The following PIK3CB variants were observed in gnomAD, a reference collection of about 807,000 sequenced individuals.
PIK3CB encodes phosphatidylinositol 4,5-bisphosphate 3-kinase catalytic subunit beta isoform.
A neutral mutation model predicts 136.8 loss-of-function variants in PIK3CB; 39 were observed. The observed-to-expected ratio is 0.29, with a 90% CI of 0.22 to 0.37. The LOEUF (loss-of-function observed/expected upper bound fraction) is 0.37. Ranked by LOEUF, PIK3CB falls within the 10% of genes least tolerant of loss-of-function variation. The pLI is 1.00. For synonymous variants in PIK3CB, 428 were observed against 436.6 expected, an observed-to-expected ratio of 0.98 and a Z score of 0.25; for missense variants, 868 against 1,275.4, an observed-to-expected ratio of 0.68 and a Z score of 4.87.
chr3:138,711,409 G>A (rs1270459915), intron 10 of PIK3CB, among the ~76,000 whole-genome samples: 1 of 151,552 alleles, frequency 6.6e-6, no homozygotes, highest in Admixed American at 6.6e-5. Flanking sequence ...GAGAAACCCT[G>A]TCTCTACTAA....
chr3:138,739,934 A>C (rs1382266840), intron 5 of PIK3CB, among the ~76,000 whole-genome samples: 9 of 151,928 alleles, frequency 5.9e-5, no homozygotes, highest in African/African-American at 2.2e-4. Context: ...AAGAGACCCC[A>C]GAGAGCTTCC....
chr3:138,744,959 A>G (rs2045323445), intron 4 of PIK3CB, among the ~76,000 whole-genome samples: 1 of 152,222 alleles, frequency 6.6e-6, no homozygotes, highest in Admixed American at 6.5e-5. Context: ...TTTATGCCAT[A>G]CCACAATCTA....
At position 138,703,610 on chromosome 3, in the gene PIK3CB, G is replaced by GTAGATA. The variant is rs1009055468; in HGVS notation, c.1581+827_1581+832dup. Among the ~76,000 whole-genome samples, 49 of 151,788 alleles carry GTAGATA rather than the reference G, an allele frequency of 3.2e-4. No individual in the cohort carries two copies. In the Middle Eastern group the frequency reaches 0.01, roughly 32 times the overall value. ...TAGATATAGATATAGATATATAAATGTAGATATAGATATAGATATATAGAT... is the reference window on the plus strand; with the variant it reads ...TAGATATAGATATAGATATATAAATGTAGATATAGATATAGATATAGATATATAGAT... On this transcript the variant is annotated intron_variant, in intron 12 of 23. Coordinates refer to ENST00000674063, the MANE Select transcript of PIK3CB (RefSeq NM_006219.3).
intron 19 of PIK3CB, among the ~76,000 whole-genome samples, chr3:138,680,752 G>A (rs944209344): frequency 6.6e-6 from 1 of 151,568 alleles, no homozygotes; most frequent in Admixed American, 6.6e-5. Context: ...GCAGTGGCAT[G>A]ATCTCGCTCA....
intron 2 of PIK3CB, chr3:138,778,308 T>C (rs2045883822): frequency 2.8e-6 from 1 of 362,556 alleles, no homozygotes; most frequent in Admixed American, 3.4e-5. Context: ...CTGGCCAAGA[T>C]CACCCATGAC....
intron 1 of PIK3CB, among the ~76,000 whole-genome samples, chr3:138,820,733 A>G (rs1380605482): frequency 1.3e-5 from 2 of 152,096 alleles, no homozygotes; most frequent in African/African-American, 4.8e-5. Flanking sequence ...ACTTCAGATG[A>G]TCCACCCACC....
intron 19 of PIK3CB, among the ~76,000 whole-genome samples, chr3:138,669,050 AC>A (rs1372970614): frequency 1.3e-5 from 2 of 152,112 alleles, no homozygotes. Context: ...CATTATTTCC[AC>A]CTTCTTCCTC....
chr3:138,766,562 C>T (rs192159152), intron 2 of PIK3CB, among the ~76,000 whole-genome samples: 1 of 152,124 alleles, frequency 6.6e-6, no homozygotes, highest in East Asian at 1.9e-4. Context: ...AAAATCCTTC[C>T]TCACTTACAA....
At chr3:138,734,592 C>A (rs2108643731) in intron 7 of PIK3CB, 42 bp downstream of exon 7, 1 of 1,434,048 alleles carries the variant, frequency 7.0e-7, no homozygotes, top group Non-Finnish European at 9.6e-7. Flanking sequence ...AACACAATCA[C>A]ATGGCTTTTG....
chr3:138,819,430 C>A (rs1361805879), intron 1 of PIK3CB, among the ~76,000 whole-genome samples: 1 of 151,824 alleles, frequency 6.6e-6, no homozygotes, highest in Non-Finnish European at 1.5e-5. Context: ...TGGTAAAGTT[C>A]TGAACAAACT....
At position 138,654,697 on chromosome 3, in the gene PIK3CB, A is replaced by G. The variant is rs1577031098; in HGVS notation, c.*692T>C. 4.5e-6 allele frequency: 1 copy of G among 221,096 alleles called. No individual in the cohort carries two copies. The highest frequency in any genetic ancestry group is 6.6e-5 in the East Asian group (1 of 15,076). The allele number at this position is 221,096 out of a possible 1,614,324, so 13.7% of individuals were successfully genotyped here. On this transcript the variant is annotated 3_prime_UTR_variant, in exon 24 of 24. Coordinates refer to ENST00000674063, the MANE Select transcript of PIK3CB (RefSeq NM_006219.3). ...AACTTTAAATCACAGGCTGAAGAATACCAAAGAAACATTTATATAGAACTC... is the reference window on the plus strand; with the variant it reads ...AACTTTAAATCACAGGCTGAAGAATGCCAAAGAAACATTTATATAGAACTC...
chr3:138,676,929 G>A (rs2043658268), intron 19 of PIK3CB, among the ~76,000 whole-genome samples: 1 of 152,062 alleles, frequency 6.6e-6, no homozygotes, highest in Non-Finnish European at 1.5e-5. Flanking sequence ...AGTGATGGTT[G>A]CACAACTCAG....
intron 1 of PIK3CB, among the ~76,000 whole-genome samples, chr3:138,807,981 G>GT (rs1427527180): frequency 2.6e-5 from 4 of 151,526 alleles, no homozygotes; most frequent in African/African-American, 7.3e-5. Context: ...AAACTCGAGG[G>GT]TTTTTTTTAA....
intron 10 of PIK3CB, among the ~76,000 whole-genome samples, chr3:138,708,293 T>C (rs181729): frequency 0.53 from 75,851 of 142,758 alleles, 21,419 homozygotes; most frequent in East Asian, 0.98. Flanking sequence ...GAGACAGGGT[T>C]TCTGTCACCC....
intron 1 of PIK3CB, among the ~76,000 whole-genome samples, chr3:138,802,329 G>A (rs529925382): frequency 2.7e-5 from 4 of 150,584 alleles, no homozygotes; most frequent in South Asian, 2.1e-4. Context: ...GCAGTGAGCC[G>A]AGATCGCGCC....
At chr3:138,685,420 A>AAAAGAAAGAAAGAAAG (rs1553722272) in intron 16 of PIK3CB, among the ~76,000 whole-genome samples, 1 of 86,926 alleles carries the variant, frequency 1.2e-5, no homozygotes, top group African/African-American at 3.4e-5. Flanking sequence ...AAAAAAAAAA[A>AAAAGAAAGAAAGAAAG]AAAGAAAGAA....
At chr3:138,683,877 C>G (rs2043830684) in intron 17 of PIK3CB, 90 bp from the exon 18 acceptor site, 1 of 733,346 alleles carries the variant, frequency 1.4e-6, no homozygotes. Context: ...TGGGAAAACT[C>G]CTCACCTATT....
intron 19 of PIK3CB, among the ~76,000 whole-genome samples, chr3:138,678,626 T>TAC (rs539058728): frequency 6.6e-6 from 1 of 152,024 alleles, no homozygotes; most frequent in Non-Finnish European, 1.5e-5. Context: ...ATATGCTATT[T>TAC]ACAGGAGACA....
intron 2 of PIK3CB, chr3:138,778,096 C>A: frequency 8.9e-6 from 3 of 338,564 alleles, no homozygotes; most frequent in Admixed American, 3.8e-5. Context: ...GTGATGCCAC[C>A]ACAATTACAT....
Sources: allele counts gnomAD v4.1 joint callset (sites outside exome capture counted in the v4.1 genomes callset), GRCh38; gene constraint gnomAD v4.1.1; transcripts MANE v1.5; gene names NCBI Gene and HGNC (gene_info 2026-07-23, HGNC 2026-07-21).